SHROOM2: variants seen among roughly 807,000 people sequenced by gnomAD.
SHROOM2 encodes protein Shroom2.
SHROOM2 carries 33 observed loss-of-function variants against 75.9 expected under a neutral mutation model. The observed-to-expected ratio is 0.43, with a 90% CI of 0.33 to 0.58. The LOEUF (loss-of-function observed/expected upper bound fraction) is 0.58. Among genes scored for constraint, SHROOM2 ranks in the 20% least tolerant of loss-of-function variants. SHROOM2 has a pLI of 0.04. For synonymous variants in SHROOM2, 655 were observed against 663.6 expected (o/e 0.99, Z 0.20); for missense variants, 1,434 against 1,461.2 (o/e 0.98, Z 0.30).
chrX:9,899,404 G>A lies in SHROOM2; in HGVS notation c.2891+1114G>A, dbSNP rs776570462. ...GGAGTAAATGCACGACAGGGTCCCC[G>A]GGTGTGGATTTTTCTGTCGCCTTGA... is the stretch of plus-strand genomic sequence containing the variant. On this transcript the variant is annotated intron_variant, in intron 5 of 9. Coordinates refer to ENST00000380913, the MANE Select transcript of SHROOM2 (RefSeq NM_001649.4). Among the ~76,000 whole-genome samples the A allele has an allele frequency of 1.1e-4, 12 of 111,699 alleles. No individual in the cohort carries two copies. The South Asian group carries it at 1.1e-3, about 11-fold the overall frequency.
At chrX:9,879,786 AC>A (rs59283412) in intron 2 of SHROOM2, among the ~76,000 whole-genome samples, 23,026 of 110,577 alleles carry the variant, frequency 0.21, 2,141 homozygotes, top group East Asian at 0.5. Context: ...TCTCTGGAGG[AC>A]CTGTATGTGC....
chrX:9,899,846 TTGAGGCTGG>T (rs2084356000), intron 5 of SHROOM2, among the ~76,000 whole-genome samples: 1 of 112,566 alleles, frequency 8.9e-6, no homozygotes, highest in Non-Finnish European at 1.9e-5. Flanking sequence ...TCCCAGGCCG[TTGAGGCTGG>T]CCGTGCAGTG....
At chrX:9,797,762 C>G (rs898126653) in intron 1 of SHROOM2, among the ~76,000 whole-genome samples, 3 of 111,989 alleles carry the variant, frequency 2.7e-5, no homozygotes, top group African/African-American at 9.8e-5. Context: ...CGGGAGAATG[C>G]CCAGTCTAGA....
chrX:9,805,914 A>AC (rs200437026), intron 1 of SHROOM2, among the ~76,000 whole-genome samples: 4,769 of 108,589 alleles, frequency 0.044, 297 homozygotes, highest in African/African-American at 0.15. Flanking sequence ...AAAAAAAAAA[A>AC]AAAAACAAAA....
intron 1 of SHROOM2, among the ~76,000 whole-genome samples, chrX:9,788,714 G>A (rs780852871): frequency 2.0e-3 from 222 of 110,619 alleles, no homozygotes; most frequent in Non-Finnish European, 3.4e-3. Context: ...GAATACCTTC[G>A]TCACATCGGT....
At chrX:9,891,656 G>T (rs191855969) in intron 3 of SHROOM2, among the ~76,000 whole-genome samples, 3 of 111,070 alleles carry the variant, frequency 2.7e-5, no homozygotes, top group African/African-American at 9.8e-5. Context: ...GTGTGTATCT[G>T]TGTATGTTTA....
In SHROOM2 at chrX:9,808,899, A is replaced by C. The variant is rs747887491; in HGVS notation, c.165+22189A>C. ...ATAAAAATAAATGGATGTAATTCAC[A>C]TGTCACAAAATTCGCCATGTTAAAG... On this transcript the variant is annotated intron_variant, in intron 1 of 9. Coordinates refer to ENST00000380913, the MANE Select transcript of SHROOM2 (RefSeq NM_001649.4). Among the ~76,000 whole-genome samples, 4 of 110,904 alleles carry C rather than the reference A, an allele frequency of 3.6e-5. No individual in the cohort carries two copies. The South Asian group carries it at 1.5e-3, about 43-fold the overall frequency.
Position 9,894,939 on chromosome X carries a change from C to T in SHROOM2, c.1031C>T (p.Ala344Val), listed in dbSNP as rs1358448519. Residue 344 changes from alanine to valine, a missense_variant, in exon 4 of 10, where the codon GCT (alanine) becomes GTT (valine). Around this residue, in one of 3 missense-constraint regions of SHROOM2, gnomAD observed 1,340 missense variants for 1,338.3 expected, o/e 1.00. Coordinates refer to ENST00000380913, the MANE Select transcript of SHROOM2 (RefSeq NM_001649.4). ...KAQGPVFSEAAAAQHFTALAQ... is the reference protein window; with the variant it reads ...KAQGPVFSEAVAAQHFTALAQ... Reference sequence around the variant, plus strand: ...CAGGGCCCTGTGTTCTCAGAGGCGGCTGCGGCACAGCACTTTACGGCCCTG... The same window carrying T: ...CAGGGCCCTGTGTTCTCAGAGGCGGTTGCGGCACAGCACTTTACGGCCCTG... 9 of 1,211,033 alleles carry T rather than the reference C, an allele frequency of 7.4e-6. No homozygotes were observed. The South Asian group carries it at 1.4e-4, about 19-fold the overall frequency.
intron 1 of SHROOM2, among the ~76,000 whole-genome samples, chrX:9,821,806 G>A (rs778535813): frequency 8.9e-6 from 1 of 111,939 alleles, no homozygotes; most frequent in South Asian, 3.7e-4. Context: ...CTGCCAGCAG[G>A]CGTGGGGTTT....
intron 1 of SHROOM2, among the ~76,000 whole-genome samples, chrX:9,811,140 A>G (rs776015106): frequency 1.8e-5 from 2 of 112,179 alleles, no homozygotes; most frequent in East Asian, 5.6e-4. Context: ...GAGGTCCAGT[A>G]TAATCAACCT....
At chrX:9,797,618 G>A (rs2083702029) in intron 1 of SHROOM2, among the ~76,000 whole-genome samples, 2 of 112,348 alleles carry the variant, frequency 1.8e-5, no homozygotes, top group South Asian at 3.7e-4. Context: ...AGACCTCCAC[G>A]CCCATTGGCG....
At chrX:9,807,279 G>A (rs745585008) in intron 1 of SHROOM2, among the ~76,000 whole-genome samples, 4 of 112,247 alleles carry the variant, frequency 3.6e-5, no homozygotes, top group Non-Finnish European at 5.6e-5. Context: ...CTGTGAAAGG[G>A]CGCTCATCCT....
intron 5 of SHROOM2, among the ~76,000 whole-genome samples, chrX:9,920,913 C>G (rs2084538871): frequency 8.9e-6 from 1 of 112,402 alleles, no homozygotes; most frequent in African/African-American, 3.2e-5. Context: ...AAATCGTCCA[C>G]CAATTTGGTG....
chrX:9,850,144 C>T (rs1327586841), intron 1 of SHROOM2, among the ~76,000 whole-genome samples: 1 of 111,995 alleles, frequency 8.9e-6, no homozygotes, highest in African/African-American at 3.3e-5. Flanking sequence ...CCAGGCTGGG[C>T]TGCGTGGCAG....
intron 1 of SHROOM2, among the ~76,000 whole-genome samples, chrX:9,838,262 A>G (rs916675850): frequency 2.7e-5 from 3 of 109,413 alleles, no homozygotes; most frequent in Admixed American, 9.8e-5. Flanking sequence ...GGGTTTCACC[A>G]TGTTAGCCAG....
At chrX:9,792,060 AG>A (rs2083658032) in intron 1 of SHROOM2, among the ~76,000 whole-genome samples, 1 of 4,090 alleles carries the variant, frequency 2.4e-4, no homozygotes, top group African/African-American at 7.4e-4. Flanking sequence ...AGAATAGAAT[AG>A]AATAGAATAG....
At chrX:9,842,125 T>A (rs1231433922) in intron 1 of SHROOM2, among the ~76,000 whole-genome samples, 1 of 111,572 alleles carries the variant, frequency 9.0e-6, no homozygotes, top group Non-Finnish European at 1.9e-5. Context: ...GCTATAGTCA[T>A]TTGGTAACCT....
intron 8 of SHROOM2, among the ~76,000 whole-genome samples, chrX:9,940,001 G>A (rs375257267): frequency 1.8e-5 from 2 of 111,317 alleles, no homozygotes; most frequent in East Asian, 2.8e-4. Context: ...TGGCCAGGCC[G>A]GTCTCGAACC....
rs370739478 is a variant in SHROOM2, at chrX:9,878,680, G to A, written c.317+4877G>A. Reference sequence around the variant, plus strand: ...TGTTCCGGGAGCTGCTACTCGCAACGGTGGCAGCAGTAAGGGGCCGCCTAA... The same window carrying A: ...TGTTCCGGGAGCTGCTACTCGCAACAGTGGCAGCAGTAAGGGGCCGCCTAA... On this transcript the variant is annotated intron_variant, in intron 2 of 9. Coordinates refer to ENST00000380913, the MANE Select transcript of SHROOM2 (RefSeq NM_001649.4). Among the ~76,000 whole-genome samples, 6 of 111,448 alleles carry A rather than the reference G, an allele frequency of 5.4e-5. No homozygotes were observed. In the East Asian group the frequency reaches 1.4e-3, roughly 26 times the overall value.
Sources: gnomAD v4.1 joint callset for allele counts (sites outside exome capture counted in the v4.1 genomes callset) on GRCh38, gnomAD v4.1.1 for gene constraint, gnomAD v4.1.1 regional missense constraint, MANE v1.5 for transcripts, NCBI Gene and HGNC (gene_info 2026-07-23, HGNC 2026-07-21) for gene names.